Variants in PLCE1 observed in about 807,000 individuals in gnomAD.
PLCE1 encodes the protein phospholipase C epsilon 1.
A neutral mutation model predicts 242.8 loss-of-function variants in PLCE1; 119 were observed. The ratio of observed to expected loss-of-function variants is 0.49; its 90% CI spans 0.42 to 0.57. PLCE1 has a LOEUF of 0.57. Among genes scored for constraint, PLCE1 ranks in the 20% least tolerant of loss-of-function variants. The probability of loss-of-function intolerance (pLI) is 0.00; values close to 1 mark genes in which losing one functional copy is unlikely to be tolerated. For missense variants in PLCE1, 2,441 were observed against 2,788.8 expected (o/e 0.88, Z 2.81); for synonymous variants, 945 against 1,017.4 (o/e 0.93, Z 1.35).
At chr10:94,166,502 T>C (rs1404219745) in intron 3 of PLCE1, among the ~76,000 whole-genome samples, 2 of 152,004 alleles carry the variant, frequency 1.3e-5, no homozygotes, top group Admixed American at 6.6e-5. Flanking sequence ...GGGGAGGAGA[T>C]GCCTTCTAAA....
rs111814136 is a variant in PLCE1 at position 94,034,656 on chromosome 10, T to G, written c.1206+2404T>G. 2.0e-3 allele frequency among the ~76,000 whole-genome samples: 308 copies of G among 152,258 alleles called. 2 individuals carry two copies. Among genetic ancestry groups the G allele is most frequent in the African/African-American group, 3.2e-3 (132 of 41,556 alleles). On this transcript the variant is annotated intron_variant, in intron 2 of 32. Transcript: ENST00000371380. ...GCTCACGGTATCTCAGACTTGGCCA[T>G]GTTAGGTATGGTGATTGTAAACCTG... is the stretch of plus-strand genomic sequence containing the variant.
chr10:94,034,644 C>T (rs1211715107), intron 2 of PLCE1, among the ~76,000 whole-genome samples: 1 of 152,134 alleles, frequency 6.6e-6, no homozygotes, highest in Non-Finnish European at 1.5e-5. Flanking sequence ...CACGGTATCT[C>T]AGACTTGGCC....
intron 13 of PLCE1, among the ~76,000 whole-genome samples, chr10:94,259,977 T>G (rs537312379): frequency 6.6e-6 from 1 of 152,246 alleles, no homozygotes; most frequent in South Asian, 2.1e-4. Context: ...TGAGAACATT[T>G]TCACATGGGA....
At position 94,006,003 on chromosome 10, in the gene PLCE1, G is replaced by A. The variant is rs183930313; in HGVS notation, c.-365+11745G>A. On this transcript the variant is annotated intron_variant, in intron 1 of 32. Transcript: ENST00000371380. ...ACATGTTGATAGGTTGTACAAATGG[G>A]AATTCCTGCCCATTCTGCCTTCTAA... Among the ~76,000 whole-genome samples, 467 of 152,276 alleles carry A rather than the reference G, an allele frequency of 3.1e-3. 1 individual carries two copies. The highest frequency in any genetic ancestry group is 0.014 in the Middle Eastern group (4 of 294).
chr10:94,121,678 C>A (rs750850307), intron 2 of PLCE1, among the ~76,000 whole-genome samples: 1 of 152,134 alleles, frequency 6.6e-6, no homozygotes, highest in Non-Finnish European at 1.5e-5. Flanking sequence ...GCACTAAGTA[C>A]GACATGATCA....
intron 3 of PLCE1, chr10:94,137,847 T>C (rs929819912): frequency 1.2e-5 from 3 of 256,288 alleles, no homozygotes; most frequent in African/African-American, 4.6e-5. Context: ...TTCTGCATGA[T>C]TCATAATTTG....
intron 29 of PLCE1, among the ~76,000 whole-genome samples, chr10:94,317,861 A>G (rs1589533169): frequency 6.6e-6 from 1 of 152,338 alleles, no homozygotes; most frequent in East Asian, 1.9e-4. Flanking sequence ...TCTATTCAAC[A>G]ATTTGATTAC....
chr10:94,220,363 A>T (rs1301324702), intron 4 of PLCE1, among the ~76,000 whole-genome samples: 1 of 121,038 alleles, frequency 8.3e-6, no homozygotes, highest in African/African-American at 3.0e-5. Flanking sequence ...TAAAAGCTTA[A>T]AAACTAAACA....
chr10:94,099,693 A>C (rs1234994363), intron 2 of PLCE1: 1 of 152,222 alleles, frequency 6.6e-6, no homozygotes, highest in Non-Finnish European at 1.5e-5. Flanking sequence ...ACAAGTCTGT[A>C]AAACATGAAA....
chr10:94,018,183 A>G (rs904459316), intron 1 of PLCE1, among the ~76,000 whole-genome samples: 1 of 152,194 alleles, frequency 6.6e-6, no homozygotes, highest in Non-Finnish European at 1.5e-5. Flanking sequence ...TAACCCAGCT[A>G]ATTGGAGGCA....
chr10:94,023,139 TG>T (rs1218533690), intron 1 of PLCE1, among the ~76,000 whole-genome samples: 1 of 152,098 alleles, frequency 6.6e-6, no homozygotes, highest in African/African-American at 2.4e-5. Flanking sequence ...CAGGGAGGGC[TG>T]CAGAACAAAG....
In PLCE1 at chr10:94,212,591, C is replaced by T. The variant is rs569579960; in HGVS notation, c.1810-14715C>T. 2.3e-3 allele frequency among the ~76,000 whole-genome samples: 351 copies of T among 152,204 alleles called. 2 individuals carry two copies. The highest frequency in any genetic ancestry group is 8.0e-3 in the African/African-American group (331 of 41,534). On this transcript the variant is annotated intron_variant, in intron 4 of 32. Coordinates refer to ENST00000371380, the MANE Select transcript of PLCE1 (RefSeq NM_016341.4). ...TTTTTAATAGAGATGGGGTTTCACC[C>T]TGTTGGTCAGTCTGGTCTCAAACTC...
chr10:94,269,442 A>T (rs997622972), intron 17 of PLCE1, among the ~76,000 whole-genome samples: 1 of 151,870 alleles, frequency 6.6e-6, no homozygotes, highest in Non-Finnish European at 1.5e-5. Context: ...ACCAAATTAC[A>T]CCTTAGATCA....
intron 7 of PLCE1, among the ~76,000 whole-genome samples, chr10:94,239,413 G>A (rs2050429385): frequency 6.6e-6 from 1 of 152,202 alleles, no homozygotes; most frequent in Non-Finnish European, 1.5e-5. Flanking sequence ...TGAAGAGGAT[G>A]CAGCAAGGCT....
At chr10:94,062,582 G>T (rs201530622) in intron 2 of PLCE1, among the ~76,000 whole-genome samples, 64 of 142,364 alleles carry the variant, frequency 4.5e-4, no homozygotes, top group African/African-American at 1.2e-3. Flanking sequence ...TCTTGGTTTT[G>T]TTTTTTTTTT....
chr10:94,324,175 AATTAC>A (rs1352662283), intron 30 of PLCE1, among the ~76,000 whole-genome samples, 169 bp from the exon 31 acceptor site: 3 of 152,330 alleles, frequency 2.0e-5, no homozygotes, highest in East Asian at 3.9e-4. Flanking sequence ...TAACGTGGGA[AATTAC>A]ATTACAAGCT....
chr10:94,115,029 G>A (rs930933807), intron 2 of PLCE1, among the ~76,000 whole-genome samples: 4 of 148,594 alleles, frequency 2.7e-5, no homozygotes, highest in Non-Finnish European at 5.9e-5. Context: ...TTGGTTTTTT[G>A]TCCTTGAGAT....
chr10:94,030,964 A>T lies in PLCE1; in HGVS notation c.-83A>T. 1 of 1,334,020 alleles carries T rather than the reference A, an allele frequency of 7.5e-7. No homozygotes were observed. Among genetic ancestry groups the T allele is most frequent in the East Asian group, 2.3e-5 (1 of 43,428 alleles). 82.6% of individuals were successfully genotyped at this position (1,334,020 alleles called of 1,614,324 possible). A position where few individuals can be genotyped will look rare whatever the true frequency, so the allele number is the denominator to read the frequency against. ...CTTGTGTATCTGAGATTGTTGTAAT[A>T]ATCAGTCATTTTATTAAAACCTTGA... On this transcript the variant is annotated 5_prime_UTR_variant, in exon 2 of 33. Transcript: ENST00000371380.
chr10:94,095,617 T>C (rs1433138456), intron 2 of PLCE1, among the ~76,000 whole-genome samples: 2 of 152,158 alleles, frequency 1.3e-5, no homozygotes, highest in African/African-American at 2.4e-5. Flanking sequence ...TTGCTGTGTG[T>C]CACCAGCCAC....
Sources: gnomAD v4.1 joint callset for allele counts (sites outside exome capture counted in the v4.1 genomes callset) on GRCh38, gnomAD v4.1.1 for gene constraint, MANE v1.5 for transcripts, NCBI Gene and HGNC (gene_info 2026-07-23, HGNC 2026-07-21) for gene names.